ESYT3: variants seen among roughly 807,000 people sequenced by gnomAD.
The protein encoded by ESYT3 is extended synaptotagmin 3.
In ESYT3, 101 loss-of-function variants were observed where a neutral mutation model predicts 111.5. The observed-to-expected ratio is 0.91, with a 90% CI of 0.77 to 1.07. The LOEUF is 1.07. Among genes scored for constraint, ESYT3 ranks in the 50% least tolerant of loss-of-function variants. The pLI is 0.00. For synonymous variants in ESYT3, 416 were observed against 446.8 expected, an observed-to-expected ratio of 0.93 and a Z score of 0.87; for missense variants, 1,097 against 1,109.4, an observed-to-expected ratio of 0.99 and a Z score of 0.16.
At position 138,479,549 on chromosome 3, in the gene ESYT3, ACT is replaced by A. The variant is rs983533176; in HGVS notation, c.*2698_*2699del. 3 of 152,154 alleles carry A rather than the reference ACT, an allele frequency of 2.0e-5. No homozygotes were observed. The highest frequency in any genetic ancestry group is 1.9e-4 in the East Asian group (1 of 5,200). 9.4% of individuals were successfully genotyped at this position (152,154 alleles called of 1,614,324 possible). On this transcript the variant is annotated 3_prime_UTR_variant, in exon 23 of 23. Transcript: ENST00000389567. ...TGCCAATAGGGGGCGATGGAAGGAC[ACT>A]CTATAGCAGGAAGAAGGGGCTTTTC...
At chr3:138,462,043 A>C (rs768683284) in intron 7 of ESYT3, 43 bp from the exon 8 acceptor site, 1 of 1,594,224 alleles carries the variant, frequency 6.3e-7, no homozygotes. Flanking sequence ...GGCATGGGGG[A>C]GGCAGTGCCA....
At chr3:138,445,149 G>A (rs886597696) in intron 1 of ESYT3, among the ~76,000 whole-genome samples, 3 of 152,216 alleles carry the variant, frequency 2.0e-5, no homozygotes, top group African/African-American at 2.4e-5. Context: ...TCTGAGAATC[G>A]CTGCAGAGCT....
intron 16 of ESYT3, chr3:138,470,649 C>T: frequency 7.7e-7 from 1 of 1,304,202 alleles, no homozygotes; most frequent in Non-Finnish European, 9.8e-7. Flanking sequence ...ATTTGACAGA[C>T]TAGCTCATAC....
intron 1 of ESYT3, among the ~76,000 whole-genome samples, chr3:138,447,678 T>A (rs192117040): frequency 6.6e-6 from 1 of 152,202 alleles, no homozygotes; most frequent in African/African-American, 2.4e-5. Flanking sequence ...TCAGCAAAGT[T>A]GCCCAGAAAA....
intron 2 of ESYT3, among the ~76,000 whole-genome samples, chr3:138,453,255 C>G (rs2032058576): frequency 1.3e-5 from 2 of 152,264 alleles, no homozygotes; most frequent in South Asian, 4.1e-4. Context: ...ATCTTTCTTT[C>G]AGTAATACAC....
Position 138,467,443 on chromosome 3 carries a change from T to G in ESYT3, c.1170-118T>G, listed in dbSNP as rs146723541. ...CTCCCATTGGTTCCTTGGGGTAAGA[T>G]CCTCTGTCTTAATGGCCGCACTCAG... On this transcript the variant is annotated intron_variant, in intron 10 of 22. Transcript: ENST00000389567. 1,156 of 1,001,080 alleles carry G rather than the reference T, an allele frequency of 1.2e-3. 1 individual carries two copies. Among genetic ancestry groups the G allele is most frequent in the Middle Eastern group, 6.3e-3 (31 of 4,890 alleles). 62.0% of individuals were successfully genotyped at this position (1,001,080 alleles called of 1,614,324 possible).
chr3:138,465,782 T>C (rs1472281842), intron 10 of ESYT3, among the ~76,000 whole-genome samples: 5 of 152,180 alleles, frequency 3.3e-5, no homozygotes, highest in African/African-American at 1.2e-4. Context: ...GGCCATGCTC[T>C]AGGGGGTAGA....
chr3:138,463,817 A>T (rs1249313481), intron 8 of ESYT3, among the ~76,000 whole-genome samples: 1 of 152,188 alleles, frequency 6.6e-6, no homozygotes, highest in Non-Finnish European at 1.5e-5. Flanking sequence ...TTAAACATCT[A>T]TTCATGCAAG....
rs756194963 is a variant in ESYT3 at position 138,455,341 on chromosome 3, C to T, written c.504+13C>T. 2.2e-5 allele frequency: 36 copies of T among 1,613,838 alleles called. 1 individual carries two copies. In the South Asian group the frequency reaches 2.9e-4, roughly 13 times the overall value. On this transcript the variant is annotated intron_variant, in intron 3 of 22. Transcript: ENST00000389567. The stretch of plus-strand genomic sequence containing the variant: ...CTTTGGACAGAAGGTGGGTGTGTCT[C>T]GGGAGGGTCAGCCTGGACTGGCTGT...
chr3:138,452,610 C>G (rs954468516), intron 2 of ESYT3, among the ~76,000 whole-genome samples: 1 of 152,164 alleles, frequency 6.6e-6, no homozygotes, highest in African/African-American at 2.4e-5. Context: ...GCCAGATGTC[C>G]CAAGGAGGCT....
Position 138,459,177 on chromosome 3 carries a change from C to G in ESYT3, c.582-10C>G. 1.3e-6 allele frequency: 2 copies of G among 1,500,848 alleles called. No individual in the cohort carries two copies. The highest frequency in any genetic ancestry group is 2.8e-5 in the African/African-American group (2 of 71,522). 93.0% of individuals were successfully genotyped at this position (1,500,848 alleles called of 1,614,324 possible). On this transcript the variant is annotated splice_polypyrimidine_tract_variant and intron_variant, in intron 4 of 22. Transcript: ENST00000389567. ...TCCTCCCCACCTTCCTTTTCCACCC[C>G]CCATTTCAGCTACATCGGGGACTGT...
chr3:138,473,386 C>A, intron 18 of ESYT3, 150 bp from the exon 19 acceptor site: 1 of 731,640 alleles, frequency 1.4e-6, no homozygotes, highest in East Asian at 2.5e-5. Flanking sequence ...CTGGATGGAA[C>A]TGAATTCCAT....
chr3:138,444,468 T>C (rs909215775), intron 1 of ESYT3, among the ~76,000 whole-genome samples: 4 of 152,178 alleles, frequency 2.6e-5, no homozygotes, highest in African/African-American at 9.7e-5. Flanking sequence ...AGATGAAGCT[T>C]GCTAGAGAGC....
At chr3:138,439,676 T>G in intron 1 of ESYT3, among the ~76,000 whole-genome samples, 1 of 152,198 alleles carries the variant, frequency 6.6e-6, no homozygotes, top group East Asian at 1.9e-4. Context: ...TATCAGATAT[T>G]GATTTGCCCC....
At chr3:138,438,455 T>C (rs1188279271) in intron 1 of ESYT3, among the ~76,000 whole-genome samples, 1 of 152,062 alleles carries the variant, frequency 6.6e-6, no homozygotes, top group Non-Finnish European at 1.5e-5. Context: ...CTTTTTCTAA[T>C]TTGCACCAAC....
chr3:138,472,963 T>C, intron 18 of ESYT3, 104 bp downstream of exon 18: 1 of 1,517,848 alleles, frequency 6.6e-7, no homozygotes, highest in Admixed American at 2.1e-5. Flanking sequence ...AAGTTGTTTT[T>C]TCACAAAATA....
Position 138,435,137 on chromosome 3 carries a change from C to CCT in ESYT3, c.327+12_327+13insCT. 6.4e-7 allele frequency: 1 copy of CCT among 1,562,154 alleles called. No homozygotes were observed. Among genetic ancestry groups the CCT allele is most frequent in the South Asian group, 1.2e-5 (1 of 84,004 alleles). The stretch of plus-strand genomic sequence containing the variant: ...ACCTGCCAGCCTGGGTGAGCCAAGC[C>CCT]GGGTGGGAGTGGGAGGTGGGGAGAT... On this transcript the variant is annotated intron_variant, in intron 1 of 22. Coordinates refer to ENST00000389567, the MANE Select transcript of ESYT3 (RefSeq NM_031913.5). This position sits in a 1 kb window ranked among gnomAD's most constrained non-coding sequence, Gnocchi z 4.8.
intron 8 of ESYT3, among the ~76,000 whole-genome samples, chr3:138,463,898 T>C (rs2032782911): frequency 6.6e-6 from 1 of 152,128 alleles, no homozygotes; most frequent in African/African-American, 2.4e-5. Context: ...TTGGGGCCTT[T>C]AGGAGTGCAG....
chr3:138,457,476 G>T, intron 3 of ESYT3, 92 bp from the exon 4 acceptor site: 1 of 1,095,228 alleles, frequency 9.1e-7, no homozygotes. Flanking sequence ...GGTCATGCTC[G>T]TTGCTGACAA....
Sources: gnomAD v4.1 joint callset for allele counts (sites outside exome capture counted in the v4.1 genomes callset) on GRCh38, gnomAD v4.1.1 for gene constraint, Gnocchi (gnomAD v3.1) non-coding constraint, MANE v1.5 for transcripts, NCBI Gene and HGNC (gene_info 2026-07-23, HGNC 2026-07-21) for gene names.